CHODL: variants seen among roughly 807,000 people sequenced by gnomAD.
CHODL encodes chondrolectin, also known as transmembrane protein MT75.
Under a neutral mutation model 34.5 loss-of-function variants are expected in CHODL, and 29 were observed. The observed-to-expected ratio is 0.84, with a 90% CI of 0.63 to 1.15. CHODL has a LOEUF of 1.15. CHODL is among the 50% of genes most tolerant of loss of function. The probability of loss-of-function intolerance (pLI) is 0.00; values close to 1 mark genes in which losing one functional copy is unlikely to be tolerated. For missense variants in CHODL, 332 were observed against 332.5 expected (o/e 1.00, Z 0.01); for synonymous variants, 125 against 116.1 (o/e 1.08, Z -0.49).
rs532643363 is a variant in CHODL at position 18,181,161 on chromosome 21, AG to A, written c.-44-75345del. On this transcript the variant is annotated intron_variant, in intron 2 of 6. Coordinates refer to the CHODL transcript ENST00000400127. Reference sequence around the variant, plus strand: ...TGTTATGAATAGGAATGTGAAGGGAAGGGTGATATGTAATTTAACCTGGCAC... The same window carrying A: ...TGTTATGAATAGGAATGTGAAGGGAAGGTGATATGTAATTTAACCTGGCAC... Among the ~76,000 whole-genome samples, 31 of 152,316 alleles carry A rather than the reference AG, an allele frequency of 2.0e-4. No individual in the cohort carries two copies. In the South Asian group the frequency reaches 5.2e-3, roughly 25 times the overall value.
intron 2 of CHODL, among the ~76,000 whole-genome samples, chr21:18,079,102 G>T (rs1385660584): frequency 2.0e-5 from 3 of 152,120 alleles, no homozygotes; most frequent in East Asian, 3.9e-4. Flanking sequence ...GTACCCAATA[G>T]GTATTTATTT....
At chr21:18,244,078 A>G (rs368414156), upstream of CHODL, among the ~76,000 whole-genome samples, 125 of 152,346 alleles carry the variant, frequency 8.2e-4, 1 homozygote, top group African/African-American at 2.9e-3. Context: ...GTTTTAATAA[A>G]GAGAGCAGGT....
chr21:17,936,245 T>C (rs1224175578), intron 1 of CHODL, among the ~76,000 whole-genome samples: 1 of 152,058 alleles, frequency 6.6e-6, no homozygotes, highest in Non-Finnish European at 1.5e-5. Flanking sequence ...CTAAAAGTCA[T>C]TGGGAAGGAA....
At chr21:18,126,244 A>C (rs749208332) in intron 2 of CHODL, among the ~76,000 whole-genome samples, 4 of 152,246 alleles carry the variant, frequency 2.6e-5, no homozygotes, top group Non-Finnish European at 5.9e-5. Flanking sequence ...CTTCACCAGC[A>C]AAAGGATTAT....
chr21:18,023,366 G>A (rs2064144987), intron 1 of CHODL, among the ~76,000 whole-genome samples: 1 of 152,112 alleles, frequency 6.6e-6, no homozygotes, highest in Non-Finnish European at 1.5e-5. Flanking sequence ...TGTTATTTAC[G>A]GGAGCCAGTT....
At chr21:18,049,647 G>A (rs1471681961) in intron 2 of CHODL, among the ~76,000 whole-genome samples, 1 of 151,946 alleles carries the variant, frequency 6.6e-6, no homozygotes, top group Non-Finnish European at 1.5e-5. Flanking sequence ...GCTGGCAGAT[G>A]GCTGCCTCCT....
intron 2 of CHODL, among the ~76,000 whole-genome samples, chr21:18,087,000 A>G (rs963999762): frequency 2.6e-5 from 4 of 152,172 alleles, no homozygotes; most frequent in Non-Finnish European, 5.9e-5. Flanking sequence ...TAGCTGTGAT[A>G]GGTTGGGTGA....
intron 1 of CHODL, among the ~76,000 whole-genome samples, chr21:17,943,218 G>A (rs2063380131): frequency 6.6e-6 from 1 of 152,114 alleles, no homozygotes; most frequent in South Asian, 2.1e-4. Context: ...TAAGTGAAGT[G>A]GGCCTGATTT....
chr21:18,163,874 CAT>C (rs538425597), intron 2 of CHODL, among the ~76,000 whole-genome samples: 32 of 152,206 alleles, frequency 2.1e-4, no homozygotes, highest in African/African-American at 5.1e-4. Context: ...CAGCTAAACA[CAT>C]GTTATCATTT....
chr21:18,129,695 A>G (rs2072628603), intron 2 of CHODL, among the ~76,000 whole-genome samples: 1 of 152,188 alleles, frequency 6.6e-6, no homozygotes, highest in Admixed American at 6.5e-5. Flanking sequence ...AATTATTTGC[A>G]GGAGGATATT....
intron 1 of CHODL, among the ~76,000 whole-genome samples, chr21:18,002,760 CAG>C (rs1004097203): frequency 6.6e-6 from 1 of 152,122 alleles, no homozygotes; most frequent in African/African-American, 2.4e-5. Flanking sequence ...GTTTGATGGA[CAG>C]AGAGGCCTTC....
chr21:18,118,092 A>T (rs2065434889), intron 2 of CHODL, among the ~76,000 whole-genome samples: 2 of 152,232 alleles, frequency 1.3e-5, no homozygotes, highest in African/African-American at 2.4e-5. Flanking sequence ...ACATGTTTTC[A>T]ATTAAAACAC....
intron 2 of CHODL, among the ~76,000 whole-genome samples, chr21:18,157,109 A>G (rs115511060): frequency 0.028 from 4,322 of 152,288 alleles, 184 homozygotes; most frequent in African/African-American, 0.097. Context: ...TCTGTTGATT[A>G]CAGGCGAGTC....
intron 2 of CHODL, among the ~76,000 whole-genome samples, chr21:18,183,986 T>C (rs1353777886): frequency 6.6e-6 from 1 of 152,154 alleles, no homozygotes; most frequent in Non-Finnish European, 1.5e-5. Flanking sequence ...TCATTAAAAG[T>C]GTAGTATTAA....
chr21:18,207,428 C>T (rs546981890), intron 2 of CHODL, among the ~76,000 whole-genome samples: 40 of 152,200 alleles, frequency 2.6e-4, no homozygotes, highest in African/African-American at 9.2e-4. Context: ...AAAAAGTGGT[C>T]ATACTTCTTA....
chr21:17,929,219 G>C (rs1370189789), intron 1 of CHODL, among the ~76,000 whole-genome samples: 1 of 152,098 alleles, frequency 6.6e-6, no homozygotes, highest in African/African-American at 2.4e-5. Flanking sequence ...TAATGTCTTT[G>C]GCTAGTTGCT....
intron 2 of CHODL, among the ~76,000 whole-genome samples, chr21:18,160,647 C>A (rs1218503235): frequency 6.6e-6 from 1 of 152,124 alleles, no homozygotes; most frequent in East Asian, 1.9e-4. Flanking sequence ...CCATCCATGT[C>A]CCTGCAAGGA....
chr21:18,195,448 A>G (rs2073575746), intron 2 of CHODL, among the ~76,000 whole-genome samples: 1 of 152,094 alleles, frequency 6.6e-6, no homozygotes. Context: ...CCTTTGAACA[A>G]CATCTCCTCA....
At chr21:17,932,760 A>G (rs921428954) in intron 1 of CHODL, among the ~76,000 whole-genome samples, 4 of 152,290 alleles carry the variant, frequency 2.6e-5, no homozygotes, top group South Asian at 2.1e-4. Flanking sequence ...GGTGTTTCTC[A>G]TTAGGTGGAA....
Sources: gnomAD v4.1 joint callset for allele counts (sites outside exome capture counted in the v4.1 genomes callset) on GRCh38, gnomAD v4.1.1 for gene constraint, MANE v1.5 for transcripts, NCBI Gene and HGNC (gene_info 2026-07-23, HGNC 2026-07-21) for gene names.